The following TAF1B variants were observed in gnomAD, a reference collection of about 807,000 sequenced individuals.
The protein encoded by TAF1B is TATA-box binding protein associated factor, RNA polymerase I subunit B.
TAF1B carries 61 observed loss-of-function variants against 83.9 expected under a neutral mutation model. The ratio of observed to expected loss-of-function variants is 0.73; its 90% CI spans 0.59 to 0.90. The LOEUF (loss-of-function observed/expected upper bound fraction) is 0.90, where lower values mean the gene tolerates loss of function less well. Among genes scored for constraint, TAF1B ranks in the 40% least tolerant of loss-of-function variants. The pLI is 0.00. For missense variants in TAF1B, 625 were observed against 677.0 expected (o/e 0.92, Z 0.85); for synonymous variants, 221 against 224.6 (o/e 0.98, Z 0.14).
At chr2:9,906,834 A>G (rs1200879198) in intron 9 of TAF1B, among the ~76,000 whole-genome samples, 4 of 152,122 alleles carry the variant, frequency 2.6e-5, no homozygotes, top group African/African-American at 7.2e-5. Context: ...TAAATATCCT[A>G]TATTGAGTTG....
chr2:9,906,789 GTTA>G (rs1426366214), intron 9 of TAF1B, among the ~76,000 whole-genome samples: 1 of 152,076 alleles, frequency 6.6e-6, no homozygotes, highest in Non-Finnish European at 1.5e-5. Flanking sequence ...GGTAACACAT[GTTA>G]TTTTTTTCTT....
intron 4 of TAF1B, 57 bp from the exon 5 acceptor site, chr2:9,854,269 C>T: frequency 1.7e-6 from 2 of 1,177,604 alleles, no homozygotes; most frequent in Non-Finnish European, 2.5e-6. Context: ...GTAGATGTGC[C>T]TGTACATTTG....
At chr2:9,885,743 GCCC>G (rs58213359) in intron 8 of TAF1B, among the ~76,000 whole-genome samples, 1 of 142,638 alleles carries the variant, frequency 7.0e-6, no homozygotes, top group African/African-American at 2.7e-5. Context: ...TTCTCCCCAC[GCCC>G]CCCCCCACTT....
At chr2:9,911,359 T>G (rs1023431746) in intron 10 of TAF1B, 152 bp from the exon 11 acceptor site, 7 of 557,884 alleles carry the variant, frequency 1.3e-5, no homozygotes, top group Non-Finnish European at 2.2e-5. Flanking sequence ...GTATTTATAG[T>G]GTCTCCTCCT....
intron 7 of TAF1B, among the ~76,000 whole-genome samples, chr2:9,879,347 A>G (rs1267374092): frequency 6.6e-6 from 1 of 152,216 alleles, no homozygotes; most frequent in Non-Finnish European, 1.5e-5. Flanking sequence ...ATGAACTACA[A>G]GTAACTCATG....
At chr2:9,887,287 C>G (rs1453932227) in intron 8 of TAF1B, among the ~76,000 whole-genome samples, 2 of 152,170 alleles carry the variant, frequency 1.3e-5, no homozygotes, top group South Asian at 2.1e-4. Flanking sequence ...TTTACTTGCT[C>G]TTTGATCTGA....
At chr2:9,843,713 G>C (rs1395749947) in intron 1 of TAF1B, 154 bp downstream of exon 1, 2 of 836,740 alleles carry the variant, frequency 2.4e-6, no homozygotes, top group South Asian at 2.1e-5. Context: ...TAAGGACTGG[G>C]GCTGGCCGGC....
intron 4 of TAF1B, 30 bp downstream of exon 4, chr2:9,851,668 T>G: frequency 6.4e-7 from 1 of 1,563,236 alleles, no homozygotes. Context: ...GATGTTAGCT[T>G]TACATATTTT....
chr2:9,844,387 G>A (rs1234739584), intron 1 of TAF1B: 1 of 151,956 alleles, frequency 6.6e-6, no homozygotes, highest in Non-Finnish European at 1.5e-5. Flanking sequence ...TGAACTCCTG[G>A]GCTCAGGCGA....
chr2:9,845,913 G>A, intron 2 of TAF1B: 1 of 333,416 alleles, frequency 3.0e-6, no homozygotes, highest in Non-Finnish European at 5.9e-6. Flanking sequence ...GACCCAGGAG[G>A]CGGAGGTTGC....
intron 8 of TAF1B, among the ~76,000 whole-genome samples, chr2:9,887,233 A>G (rs915393150): frequency 6.6e-6 from 1 of 152,222 alleles, no homozygotes; most frequent in African/African-American, 2.4e-5. Context: ...AAGTTTTAAC[A>G]ATTTGAGACA....
At chr2:9,929,383 C>G (rs1418621316) in intron 14 of TAF1B, among the ~76,000 whole-genome samples, 4 of 152,168 alleles carry the variant, frequency 2.6e-5, no homozygotes. Context: ...CGGTCTCAAT[C>G]TCCTGACCTC....
intron 14 of TAF1B, among the ~76,000 whole-genome samples, chr2:9,923,107 G>C (rs1665927039): frequency 6.6e-6 from 1 of 151,820 alleles, no homozygotes; most frequent in Admixed American, 6.6e-5. Flanking sequence ...GCCGGGTGTG[G>C]TGGTGCACGT....
chr2:9,899,906 T>A (rs2125166421), intron 8 of TAF1B, among the ~76,000 whole-genome samples: 1 of 152,372 alleles, frequency 6.6e-6, no homozygotes, highest in Admixed American at 6.5e-5. Flanking sequence ...AATATTTTCC[T>A]AAATCATAAA....
At chr2:9,932,817 G>A (rs1016906918) in intron 14 of TAF1B, among the ~76,000 whole-genome samples, 9 of 152,004 alleles carry the variant, frequency 5.9e-5, no homozygotes, top group Admixed American at 5.9e-4. Context: ...CTGAGCTGCA[G>A]TGGGCTCTGC....
At chr2:9,856,783 A>G (rs2125138346) in intron 5 of TAF1B, among the ~76,000 whole-genome samples, 1 of 152,364 alleles carries the variant, frequency 6.6e-6, no homozygotes, top group East Asian at 1.9e-4. Flanking sequence ...TGGTGAATAA[A>G]TAAGCAATAA....
chr2:9,867,873 G>A (rs548334350), intron 5 of TAF1B, among the ~76,000 whole-genome samples: 9 of 152,316 alleles, frequency 5.9e-5, no homozygotes, highest in African/African-American at 9.6e-5. Flanking sequence ...AGGAAAAGGC[G>A]TAGTTCAGGC....
chr2:9,868,896 A>G (rs1664081610), intron 6 of TAF1B: 8 of 341,806 alleles, frequency 2.3e-5, no homozygotes, highest in South Asian at 1.9e-4. Context: ...ATAACTTGAA[A>G]TAAATAAGGA....
intron 6 of TAF1B, among the ~76,000 whole-genome samples, chr2:9,871,589 G>T (rs1456830173): frequency 6.6e-6 from 1 of 152,142 alleles, no homozygotes; most frequent in East Asian, 1.9e-4. Flanking sequence ...AATGTTTAGT[G>T]AGCCTAAGAT....
Sources: allele counts gnomAD v4.1 joint callset (sites outside exome capture counted in the v4.1 genomes callset), GRCh38; gene constraint gnomAD v4.1.1; transcripts MANE v1.5; gene names NCBI Gene and HGNC (gene_info 2026-07-23, HGNC 2026-07-21).